NME7: variants seen among roughly 807,000 people sequenced by gnomAD.
The protein encoded by NME7 is nucleoside diphosphate kinase 7.
A neutral mutation model predicts 49.1 loss-of-function variants in NME7; 41 were observed. The ratio of observed to expected loss-of-function variants is 0.83; its 90% CI spans 0.65 to 1.08. The LOEUF (loss-of-function observed/expected upper bound fraction) is 1.08. Ranked by LOEUF, NME7 falls within the 50% of genes least tolerant of loss-of-function variation. The pLI, the probability that NME7 is intolerant of heterozygous loss-of-function variation, is 0.00. For synonymous variants in NME7, 139 were observed against 150.6 expected, an observed-to-expected ratio of 0.92 and a Z score of 0.56; for missense variants, 423 against 463.4, an observed-to-expected ratio of 0.91 and a Z score of 0.80.
chr1:169,359,495 T>C (rs1454205671), intron 1 of NME7, among the ~76,000 whole-genome samples: 1 of 152,042 alleles, frequency 6.6e-6, no homozygotes, highest in Non-Finnish European at 1.5e-5. Flanking sequence ...TGTATGAGTA[T>C]ATATGTGACC....
At position 169,340,707 on chromosome 1, in the gene NME7, G is replaced by A. The variant is rs114828360; in HGVS notation, c.4-16207C>T. 1.9e-3 allele frequency among the ~76,000 whole-genome samples: 293 copies of A among 152,330 alleles called. 4 individuals are homozygous for A. Among genetic ancestry groups the A allele is most frequent in the African/African-American group, 6.8e-3 (283 of 41,572 alleles). On this transcript the variant is annotated intron_variant, in intron 1 of 11. Coordinates refer to ENST00000367811, the MANE Select transcript of NME7 (RefSeq NM_013330.5). ...CTGAGGTGGTCTCAGATGAAGATGA[G>A]AAACTTAGTGGGAACTGGAGTGAAG...
At chr1:169,354,657 A>C (rs1477449898) in intron 1 of NME7, among the ~76,000 whole-genome samples, 3 of 147,328 alleles carry the variant, frequency 2.0e-5, no homozygotes, top group Non-Finnish European at 4.5e-5. Flanking sequence ...TAAAGTATTA[A>C]ATATATACTT....
At chr1:169,243,059 T>C (rs1470304960) in intron 7 of NME7, among the ~76,000 whole-genome samples, 1 of 152,068 alleles carries the variant, frequency 6.6e-6, no homozygotes, top group Non-Finnish European at 1.5e-5. Context: ...TCTAAAATTA[T>C]ATGGTAAGAT....
intron 1 of NME7, among the ~76,000 whole-genome samples, chr1:169,329,674 A>G (rs1187747578): frequency 6.6e-6 from 1 of 152,118 alleles, no homozygotes; most frequent in Non-Finnish European, 1.5e-5. Flanking sequence ...AAAAACATGA[A>G]GCACACCTAT....
intron 10 of NME7, among the ~76,000 whole-genome samples, chr1:169,200,567 C>T (rs1010542935): frequency 2.6e-5 from 4 of 152,102 alleles, no homozygotes; most frequent in African/African-American, 9.7e-5. Flanking sequence ...AGACCCCATC[C>T]ACTCCAACCT....
chr1:169,225,608 C>T (rs1018731468), intron 10 of NME7, among the ~76,000 whole-genome samples: 1 of 152,126 alleles, frequency 6.6e-6, no homozygotes, highest in Non-Finnish European at 1.5e-5. Flanking sequence ...TCTTATCAGT[C>T]CACACATTAT....
At chr1:169,242,977 T>C (rs1456968158) in intron 7 of NME7, among the ~76,000 whole-genome samples, 4 of 152,068 alleles carry the variant, frequency 2.6e-5, no homozygotes, top group Admixed American at 1.3e-4. Flanking sequence ...TCTCCCTAAA[T>C]TGACAAATAA....
chr1:169,220,271 T>A (rs1661100263), intron 10 of NME7, among the ~76,000 whole-genome samples: 1 of 152,220 alleles, frequency 6.6e-6, no homozygotes, highest in Non-Finnish European at 1.5e-5. Context: ...CTTCTAAGCT[T>A]TTATAACTTA....
chr1:169,339,258 T>C (rs1652596175), intron 1 of NME7, among the ~76,000 whole-genome samples: 2 of 152,182 alleles, frequency 1.3e-5, no homozygotes, highest in African/African-American at 2.4e-5. Flanking sequence ...CTTACTTTTT[T>C]GGTAAGTATG....
intron 10 of NME7, among the ~76,000 whole-genome samples, chr1:169,214,143 A>G (rs943012033): frequency 1.3e-5 from 2 of 152,252 alleles, no homozygotes; most frequent in African/African-American, 4.8e-5. Context: ...ATAAAGAATG[A>G]GAAAGTGCTC....
At chr1:169,150,247 A>G (rs1319783163) in intron 11 of NME7, among the ~76,000 whole-genome samples, 1 of 152,354 alleles carries the variant, frequency 6.6e-6, no homozygotes, top group East Asian at 1.9e-4. Flanking sequence ...TATTAAGCCC[A>G]TAACAAATAT....
At position 169,241,143 on chromosome 1, in the gene NME7, A is replaced by G. The variant is rs1648070096; in HGVS notation, c.755-3456T>C. 2.0e-5 allele frequency among the ~76,000 whole-genome samples: 3 copies of G among 152,258 alleles called. No individual in the cohort carries two copies. In the South Asian group the frequency reaches 6.2e-4, roughly 32 times the overall value. On this transcript the variant is annotated intron_variant, in intron 7 of 11. Coordinates refer to ENST00000367811, the MANE Select transcript of NME7 (RefSeq NM_013330.5). ...ATATGGAGCTTTATGTGTACTTCAC[A>G]TTACTTCACACAGAGTATTAAAAAG...
chr1:169,364,858 A>G (rs10919151), intron 1 of NME7, among the ~76,000 whole-genome samples: 6,385 of 152,296 alleles, frequency 0.042, 199 homozygotes, highest in East Asian at 0.12. Flanking sequence ...GGACTATGGG[A>G]GGGACCTAAA....
intron 11 of NME7, among the ~76,000 whole-genome samples, chr1:169,165,151 A>T (rs1313083480): frequency 6.6e-6 from 1 of 152,166 alleles, no homozygotes; most frequent in African/African-American, 2.4e-5. Context: ...CACAATTAGC[A>T]ATATTCAAAG....
chr1:169,347,229 T>C (rs1652982697), intron 1 of NME7, among the ~76,000 whole-genome samples: 1 of 151,992 alleles, frequency 6.6e-6, no homozygotes. Flanking sequence ...ATAAATTGTG[T>C]TACAAAAACA....
chr1:169,274,507 T>C (rs560419386), intron 7 of NME7, among the ~76,000 whole-genome samples: 5 of 134,288 alleles, frequency 3.7e-5, no homozygotes, highest in Admixed American at 3.7e-4. Context: ...TTTGTTGCCA[T>C]TGCTTTTGGT....
chr1:169,255,387 C>T (rs1444758860), intron 7 of NME7, among the ~76,000 whole-genome samples: 2 of 111,452 alleles, frequency 1.8e-5, no homozygotes, highest in African/African-American at 3.2e-5. Context: ...GATTGCAACC[C>T]CTGCCTTTTT....
chr1:169,212,831 G>A (rs1484019222), intron 10 of NME7, among the ~76,000 whole-genome samples: 1 of 151,890 alleles, frequency 6.6e-6, no homozygotes, highest in Non-Finnish European at 1.5e-5. Context: ...GTCTCACTAT[G>A]TTACACAAGT....
chr1:169,168,812 CATTTTTTTCT>C (rs934792458), intron 11 of NME7: 80 of 454,218 alleles, frequency 1.8e-4, no homozygotes, highest in African/African-American at 1.4e-3. Flanking sequence ...TCATAATACA[CATTTTTTTCT>C]ATTTTTTTGA....
Sources: allele counts gnomAD v4.1 joint callset (sites outside exome capture counted in the v4.1 genomes callset), GRCh38; gene constraint gnomAD v4.1.1; transcripts MANE v1.5; gene names NCBI Gene and HGNC (gene_info 2026-07-23, HGNC 2026-07-21).